ABR: variants seen among roughly 807,000 people sequenced by gnomAD.
The protein encoded by ABR is ABR activator of RhoGEF and GTPase, also known as active breakpoint cluster region-related protein.
Under a neutral mutation model 107.2 loss-of-function variants are expected in ABR, and 35 were observed. The ratio of observed to expected loss-of-function variants is 0.33; its 90% confidence interval spans 0.25 to 0.43. The LOEUF (loss-of-function observed/expected upper bound fraction) is 0.43. Among genes scored for constraint, ABR ranks in the 20% least tolerant of loss-of-function variants. The probability of loss-of-function intolerance (pLI) is 1.00; values close to 1 mark genes in which losing one functional copy is unlikely to be tolerated. For missense variants in ABR, 815 were observed against 1,115.2 expected, an observed-to-expected ratio of 0.73 and a Z score of 3.83; for synonymous variants, 498 against 462.0, an observed-to-expected ratio of 1.08 and a Z score of -1.00.
intron 16 of ABR, among the ~76,000 whole-genome samples, chr17:1,039,137 G>A (rs1350266999): frequency 6.6e-6 from 1 of 152,178 alleles, no homozygotes; most frequent in Non-Finnish European, 1.5e-5. Flanking sequence ...GATGTTCTCA[G>A]GGCCTGACTG....
chr17:1,079,496 A>C, intron 5 of ABR, 106 bp from the exon 6 acceptor site: 1 of 1,073,758 alleles, frequency 9.3e-7, no homozygotes, highest in Non-Finnish European at 1.4e-6. Flanking sequence ...GGGTGTACAT[A>C]TGAGAACAGA....
chr17:1,023,459 C>T lies in ABR; in HGVS notation c.1792-10295G>A, dbSNP rs545006795. On this transcript the variant is annotated intron_variant, in intron 16 of 22. Transcript: ENST00000302538. ...GGGCTACAAATACCAGCCAGGAAGCCGGCCCTGCCCCAGCCCAGGGCAGGT... is the reference window on the plus strand; with the variant it reads ...GGGCTACAAATACCAGCCAGGAAGCTGGCCCTGCCCCAGCCCAGGGCAGGT... Among the ~76,000 whole-genome samples the T allele has an allele frequency of 1.4e-4, 21 of 152,314 alleles. No homozygotes were observed. The East Asian group carries it at 3.3e-3, about 24-fold the overall frequency.
At position 1,114,632 on chromosome 17, in the gene ABR, G is replaced by T. The variant is rs140228068; in HGVS notation, c.246+10551C>A. Reference sequence around the variant, plus strand: ...TACTAAAAATACAAAAATTAGCTAGGCGTGGTGGTGGACGCCTGTAGTCCC... The same window carrying T: ...TACTAAAAATACAAAAATTAGCTAGTCGTGGTGGTGGACGCCTGTAGTCCC... On this transcript the variant is annotated intron_variant, in intron 2 of 22. Transcript: ENST00000302538. Among the ~76,000 whole-genome samples, 579 of 152,242 alleles carry T rather than the reference G, an allele frequency of 3.8e-3. 7 individuals are homozygous for T. The highest frequency in any genetic ancestry group is 0.013 in the African/African-American group (530 of 41,536).
chr17:1,013,355 G>A (rs573882157), intron 16 of ABR, among the ~76,000 whole-genome samples, 191 bp from the exon 17 acceptor site: 72 of 149,846 alleles, frequency 4.8e-4, no homozygotes, highest in Middle Eastern at 3.5e-3. Context: ...TGTGGCCGCC[G>A]TGGGGGAGGC....
intron 1 of ABR, among the ~76,000 whole-genome samples, chr17:1,156,780 A>G (rs1483496492): frequency 6.6e-6 from 1 of 152,200 alleles, no homozygotes; most frequent in Non-Finnish European, 1.5e-5. Flanking sequence ...CCCATTTCAT[A>G]GAGGAGTAAA....
intron 2 of ABR, among the ~76,000 whole-genome samples, chr17:1,111,058 G>A (rs916289445): frequency 2.0e-5 from 3 of 152,144 alleles, no homozygotes; most frequent in South Asian, 2.1e-4. Flanking sequence ...CCCGCCCGGC[G>A]GGCTCCAAGT....
intron 1 of ABR, among the ~76,000 whole-genome samples, chr17:1,173,565 T>C (rs2041825182): frequency 6.6e-6 from 1 of 151,050 alleles, no homozygotes; most frequent in African/African-American, 2.4e-5. Context: ...CCTTTGGGGG[T>C]CTCTGACTCC....
chr17:1,095,723 C>G (rs1315098161), intron 3 of ABR, among the ~76,000 whole-genome samples: 2 of 152,184 alleles, frequency 1.3e-5, no homozygotes, highest in Middle Eastern at 3.2e-3. Flanking sequence ...TGGGCCGGTT[C>G]TCACTTGCCA....
intron 1 of ABR, among the ~76,000 whole-genome samples, chr17:1,193,888 G>GT (rs1397685098): frequency 6.6e-6 from 1 of 151,872 alleles, no homozygotes; most frequent in South Asian, 2.1e-4. Context: ...TAGAGACGGG[G>GT]TTTCACCGTG....
rs1027487708 is a variant in ABR, at chr17:1,071,438, A to C, written c.894+1176T>G. Among the ~76,000 whole-genome samples, 1 of 152,134 alleles carries C rather than the reference A, an allele frequency of 6.6e-6. No homozygotes were observed. The highest frequency in any genetic ancestry group is 1.5e-5 in the Non-Finnish European group (1 of 68,022). ...GCCTAATGGCCTCCCCTGGACAGGA[A>C]GCCTTTCACCCGGGCCCGGCTGCCA... On this transcript the variant is annotated intron_variant, in intron 8 of 22. Transcript: ENST00000302538. This position sits in a 1 kb window ranked among gnomAD's most constrained non-coding sequence, Gnocchi z 5.1.
intron 2 of ABR, among the ~76,000 whole-genome samples, chr17:1,119,714 T>C (rs2151433606): frequency 6.6e-6 from 1 of 152,248 alleles, no homozygotes; most frequent in South Asian, 2.1e-4. Context: ...CAAGTGACCG[T>C]GCACACCTCC....
At chr17:1,182,550 T>G (rs536443442), upstream of ABR, among the ~76,000 whole-genome samples, 35 of 152,288 alleles carry the variant, frequency 2.3e-4, no homozygotes, top group African/African-American at 7.5e-4. Context: ...GTATTTTTAG[T>G]AGAGACGGGG....
rs999930456 is a variant in ABR at position 1,113,906 on chromosome 17, G to A, written c.246+11277C>T. 4.6e-5 allele frequency among the ~76,000 whole-genome samples: 7 copies of A among 152,074 alleles called. No homozygotes were observed. In the South Asian group the frequency reaches 6.2e-4, roughly 14 times the overall value. On this transcript the variant is annotated intron_variant, in intron 2 of 22. Transcript: ENST00000302538. Reference sequence around the variant, plus strand: ...ATATAGGCCGGGTGCAGTGGCTTACGCCTGAAATCCCAACAGTTCGGGAGG... The same window carrying A: ...ATATAGGCCGGGTGCAGTGGCTTACACCTGAAATCCCAACAGTTCGGGAGG...
intron 1 of ABR, among the ~76,000 whole-genome samples, chr17:1,193,973 C>T (rs892319160): frequency 3.9e-5 from 6 of 152,064 alleles, no homozygotes; most frequent in African/African-American, 1.4e-4. Context: ...GGATAACAGG[C>T]GTGAGCCCCG....
chr17:1,008,159 C>G (rs1353997335), intron 21 of ABR, among the ~76,000 whole-genome samples: 1 of 152,240 alleles, frequency 6.6e-6, no homozygotes, highest in African/African-American at 2.4e-5. Flanking sequence ...CTCAACAGGC[C>G]AGATGCTCTG....
Position 1,154,281 on chromosome 17 carries a change from C to T in ABR, c.61+25386G>A, listed in dbSNP as rs894838098. On this transcript the variant is annotated intron_variant, in intron 1 of 22. Coordinates refer to ENST00000302538, the MANE Select transcript of ABR (RefSeq NM_021962.5). The surrounding 1 kb of genome is among the most constrained non-coding windows in gnomAD (Gnocchi z 4.0). The stretch of plus-strand genomic sequence containing the variant: ...AGGCTGTACCATGGCGTCTCCACCA[C>T]CACACGGTCCCCTCCCCGCCTGCAC... 6.6e-6 allele frequency: 1 copy of T among 152,296 alleles called. No individual in the cohort carries two copies. Among genetic ancestry groups the T allele is most frequent in the African/African-American group, 2.4e-5 (1 of 41,436 alleles). The allele number at this position is 152,296 out of a possible 1,614,324, so 9.4% of individuals were successfully genotyped here.
rs181060157 is a variant in ABR, at chr17:1,155,177, G to T, written c.61+24490C>A. On this transcript the variant is annotated intron_variant, in intron 1 of 22. Coordinates refer to ENST00000302538, the MANE Select transcript of ABR (RefSeq NM_021962.5). Reference sequence around the variant, plus strand: ...TGACTGGAGCAGATGGGCAAAGAAGGTAAACTGTCAGGCTGGGGGCATCTT... The same window carrying T: ...TGACTGGAGCAGATGGGCAAAGAAGTTAAACTGTCAGGCTGGGGGCATCTT... Among the ~76,000 whole-genome samples the T allele has an allele frequency of 1.0e-3, 153 of 152,210 alleles. No individual in the cohort carries two copies. The East Asian group carries it at 0.025, about 25-fold the overall frequency.
In ABR at chr17:1,100,719, C is replaced by G. The variant is rs767876190; in HGVS notation, c.263G>C (p.Gly88Ala). The change falls in exon 3 of 23, where the codon GGC becomes GCC. Residue 88 changes from glycine (G) to alanine (A), a missense_variant. By Grantham distance (60) the Gly-to-Ala change is moderately conservative (BLOSUM62 0). Transcript: ENST00000302538. ...GLAPGVEAGK[G>A]LEMRKLVLSG... Reference sequence around the variant, plus strand: ...GAGAACCAGCTTCCTCATCTCCAGGCCTTTCCCTGCTTCCACCTGCACAAA... The same window carrying G: ...GAGAACCAGCTTCCTCATCTCCAGGGCTTTCCCTGCTTCCACCTGCACAAA... The G allele has an allele frequency of 1.2e-6, 2 of 1,614,076 alleles. No homozygotes were observed. The highest frequency in any genetic ancestry group is 1.1e-5 in the South Asian group (1 of 91,084).
intron 2 of ABR, among the ~76,000 whole-genome samples, chr17:1,120,883 C>T (rs1373971663): frequency 3.9e-5 from 6 of 152,154 alleles, no homozygotes; most frequent in Admixed American, 3.9e-4. Context: ...GCCTTGTAGC[C>T]CCTTTTTACT....
Sources: gnomAD v4.1 joint callset for allele counts (sites outside exome capture counted in the v4.1 genomes callset) on GRCh38, gnomAD v4.1.1 for gene constraint, Gnocchi (gnomAD v3.1) non-coding constraint, MANE v1.5 for transcripts, NCBI Gene and HGNC (gene_info 2026-07-23, HGNC 2026-07-21) for gene names.